The following GPR158 variants were observed in gnomAD, a reference collection of about 807,000 sequenced individuals.
GPR158 encodes the protein metabotropic glycine receptor.
GPR158 carries 30 observed loss-of-function variants against 78.2 expected under a neutral mutation model. That is an observed-to-expected ratio of 0.38 (90% CI 0.29 to 0.52). The LOEUF is 0.52. Among genes scored for constraint, GPR158 ranks in the 20% least tolerant of loss-of-function variants. The pLI, the probability that GPR158 is intolerant of heterozygous loss-of-function variation, is 0.83. For synonymous variants in GPR158, 581 were observed against 591.1 expected, an observed-to-expected ratio of 0.98 and a Z score of 0.25; for missense variants, 1,463 against 1,523.5, an observed-to-expected ratio of 0.96 and a Z score of 0.66.
At chr10:25,313,406 T>G (rs1440244703) in intron 2 of GPR158, among the ~76,000 whole-genome samples, 2 of 151,714 alleles carry the variant, frequency 1.3e-5, no homozygotes, top group Non-Finnish European at 2.9e-5. Flanking sequence ...AATAATAAAA[T>G]TGTTTAAAAA....
At chr10:25,320,476 T>C (rs111882775) in intron 2 of GPR158, among the ~76,000 whole-genome samples, 2,314 of 152,314 alleles carry the variant, frequency 0.015, 69 homozygotes, top group African/African-American at 0.053. Flanking sequence ...GTTCGCTTGT[T>C]AAAAATGGCA....
intron 4 of GPR158, among the ~76,000 whole-genome samples, chr10:25,434,634 C>A (rs1834972554): frequency 6.6e-6 from 1 of 152,106 alleles, no homozygotes; most frequent in Non-Finnish European, 1.5e-5. Context: ...GAGAAGCTCA[C>A]AATCTAATGG....
intron 2 of GPR158, among the ~76,000 whole-genome samples, chr10:25,337,324 A>G (rs919899384): frequency 1.3e-5 from 2 of 152,174 alleles, no homozygotes; most frequent in East Asian, 3.9e-4. Context: ...TGCAGTCAAC[A>G]CCATTTCCTC....
chr10:25,482,606 G>C (rs1835676444), intron 5 of GPR158, among the ~76,000 whole-genome samples: 1 of 152,076 alleles, frequency 6.6e-6, no homozygotes, highest in Non-Finnish European at 1.5e-5. Context: ...CTATAACTCA[G>C]TTCTTGGGTC....
chr10:25,594,231 T>A, intron 8 of GPR158, 61 bp from the exon 9 acceptor site: 1 of 853,274 alleles, frequency 1.2e-6, no homozygotes, highest in Non-Finnish European at 2.0e-6. Context: ...TCCCAAGTAA[T>A]CCTAGTGTTC....
chr10:25,592,470 C>A (rs1176260279), intron 8 of GPR158, among the ~76,000 whole-genome samples: 1 of 151,802 alleles, frequency 6.6e-6, no homozygotes, highest in Non-Finnish European at 1.5e-5. Context: ...GCTTTTAGAC[C>A]TATGTTTTAA....
intron 6 of GPR158, among the ~76,000 whole-genome samples, chr10:25,568,696 CT>C (rs1489378175): frequency 6.6e-6 from 1 of 152,064 alleles, no homozygotes; most frequent in Non-Finnish European, 1.5e-5. Flanking sequence ...CTGGGTTGTC[CT>C]TTTTCTTTGT....
intron 5 of GPR158, among the ~76,000 whole-genome samples, chr10:25,542,407 C>T (rs867556038): frequency 2.0e-4 from 31 of 152,174 alleles, no homozygotes; most frequent in Non-Finnish European, 3.1e-4. Flanking sequence ...CATCATTGTA[C>T]CTTGTCAGCA....
chr10:25,429,755 A>G (rs1343555160), intron 4 of GPR158, among the ~76,000 whole-genome samples: 2 of 145,458 alleles, frequency 1.4e-5, no homozygotes, highest in African/African-American at 5.2e-5. Flanking sequence ...ACCAAAGACA[A>G]AAACCACATG....
chr10:25,366,432 T>C (rs927997001), intron 2 of GPR158, among the ~76,000 whole-genome samples: 2 of 151,700 alleles, frequency 1.3e-5, no homozygotes, highest in African/African-American at 4.8e-5. Context: ...TCTTTTAGTT[T>C]TTAAACTTTA....
chr10:25,200,872 T>G lies in GPR158; in HGVS notation c.903-20180T>G, dbSNP rs540366595. On this transcript the variant is annotated intron_variant, in intron 1 of 10. Coordinates refer to ENST00000376351, the MANE Select transcript of GPR158 (RefSeq NM_020752.3). ...TATGTATCTGTTTTTTGTTTTGTTT[T>G]TTTTTTTTTTTTTTTCAGTACCATG... is the stretch of plus-strand genomic sequence containing the variant. Among the ~76,000 whole-genome samples, 505 of 148,592 alleles carry G rather than the reference T, an allele frequency of 3.4e-3. 6 individuals carry two copies. Among genetic ancestry groups the G allele is most frequent in the African/African-American group, 0.012 (471 of 40,130 alleles).
chr10:25,314,400 G>A (rs1281831369), intron 2 of GPR158, among the ~76,000 whole-genome samples: 1 of 152,022 alleles, frequency 6.6e-6, no homozygotes, highest in Admixed American at 6.6e-5. Flanking sequence ...CACCCGGTTG[G>A]TTTTCAAATT....
intron 2 of GPR158, among the ~76,000 whole-genome samples, chr10:25,300,526 T>A (rs1312416657): frequency 6.6e-6 from 1 of 151,780 alleles, no homozygotes; most frequent in Admixed American, 6.6e-5. Flanking sequence ...TATTAGGGTG[T>A]GGGCATCTTT....
At chr10:25,318,182 G>A (rs969081735) in intron 2 of GPR158, among the ~76,000 whole-genome samples, 4 of 152,118 alleles carry the variant, frequency 2.6e-5, no homozygotes, top group Admixed American at 2.6e-4. Flanking sequence ...GATAGGAGGG[G>A]AGGGAGTATG....
chr10:25,192,295 C>T (rs142149337), intron 1 of GPR158, among the ~76,000 whole-genome samples: 62 of 152,290 alleles, frequency 4.1e-4, no homozygotes, highest in African/African-American at 1.4e-3. Context: ...TTTAAGTTTC[C>T]TGAGGCCTCC....
At chr10:25,202,707 A>G (rs1564390091) in intron 1 of GPR158, among the ~76,000 whole-genome samples, 2 of 152,216 alleles carry the variant, frequency 1.3e-5, no homozygotes, top group South Asian at 2.1e-4. Flanking sequence ...TAGTGCTGCA[A>G]TAAACATACG....
chr10:25,532,685 G>T lies in GPR158; in HGVS notation c.1405-18291G>T, dbSNP rs189311270. Reference sequence around the variant, plus strand: ...AGGCATTTATGCAATGACCTAACCAGAAATCCTTTTATGCATTGTTTCGTT... The same window carrying T: ...AGGCATTTATGCAATGACCTAACCATAAATCCTTTTATGCATTGTTTCGTT... On this transcript the variant is annotated intron_variant, in intron 5 of 10. Coordinates refer to ENST00000376351, the MANE Select transcript of GPR158 (RefSeq NM_020752.3). Among the ~76,000 whole-genome samples the T allele has an allele frequency of 1.7e-3, 258 of 150,690 alleles. 5 individuals carry two copies. Among genetic ancestry groups the T allele is most frequent in the Admixed American group, 0.016 (245 of 15,130 alleles).
intron 2 of GPR158, among the ~76,000 whole-genome samples, chr10:25,374,412 T>A (rs1281363447): frequency 1.3e-5 from 2 of 151,740 alleles, no homozygotes; most frequent in African/African-American, 4.8e-5. Flanking sequence ...ACAGAGCTTA[T>A]TCAGATTTCA....
intron 2 of GPR158, among the ~76,000 whole-genome samples, chr10:25,347,385 C>T (rs190648105): frequency 6.6e-6 from 1 of 152,092 alleles, no homozygotes; most frequent in East Asian, 1.9e-4. Flanking sequence ...AGGATAATCT[C>T]TACATCTCAA....
Sources: allele counts gnomAD v4.1 joint callset (sites outside exome capture counted in the v4.1 genomes callset), GRCh38; gene constraint gnomAD v4.1.1; transcripts MANE v1.5; gene names NCBI Gene and HGNC (gene_info 2026-07-23, HGNC 2026-07-21).